Variants in KIRREL3 observed in about 807,000 individuals in gnomAD.
KIRREL3 encodes kin of IRRE-like protein 3.
In KIRREL3, 36 loss-of-function variants were observed where a neutral mutation model predicts 89.7. That is an observed-to-expected ratio of 0.40 (90% confidence interval 0.31 to 0.53). The LOEUF is 0.53. KIRREL3 is among the 20% of genes least tolerant of loss of function. The pLI, the probability that KIRREL3 is intolerant of heterozygous loss-of-function variation, is 0.49. For missense variants in KIRREL3, 864 were observed against 1,056.6 expected (o/e 0.82, Z 2.53); for synonymous variants, 445 against 441.4 (o/e 1.01, Z -0.10).
chr11:126,893,265 T>C (rs565216314), intron 1 of KIRREL3, among the ~76,000 whole-genome samples: 1 of 152,322 alleles, frequency 6.6e-6, no homozygotes, highest in Non-Finnish European at 1.5e-5. Flanking sequence ...GGAACGTCCG[T>C]CATGCATTGA....
At position 126,676,293 on chromosome 11, in the gene KIRREL3, C is replaced by T. The variant is rs1017948574; in HGVS notation, c.56-113381G>A. On this transcript the variant is annotated intron_variant, in intron 1 of 16. Transcript: ENST00000525144. This position sits in a 1 kb window ranked among gnomAD's most constrained non-coding sequence, Gnocchi z 4.5. ...AGGAGGGAAACACTCAGGGCCAGGC[C>T]GAGGCAGAGAAGCTTCTGGAGGGCA... Among the ~76,000 whole-genome samples, 2 of 152,084 alleles carry T rather than the reference C, an allele frequency of 1.3e-5. No homozygotes were observed. The highest frequency in any genetic ancestry group is 2.1e-4 in the South Asian group (1 of 4,824).
At chr11:126,437,303 C>T (rs1034581759) in intron 11 of KIRREL3, among the ~76,000 whole-genome samples, 3 of 152,192 alleles carry the variant, frequency 2.0e-5, no homozygotes, top group Non-Finnish European at 2.9e-5. Flanking sequence ...CGTCTATACA[C>T]AGCTCCCCAC....
chr11:127,002,198 C>T (rs572487781), upstream of KIRREL3, among the ~76,000 whole-genome samples: 1 of 152,270 alleles, frequency 6.6e-6, no homozygotes, highest in Admixed American at 6.5e-5. Flanking sequence ...TAGGAGCTGA[C>T]ATCTGGTAGT....
Position 126,491,169 on chromosome 11 carries a change from T to A in KIRREL3, c.434-17703A>T, listed in dbSNP as rs1422727745. 6.6e-6 allele frequency among the ~76,000 whole-genome samples: 1 copy of A among 152,182 alleles called. No individual in the cohort carries two copies. Among genetic ancestry groups the A allele is most frequent in the Non-Finnish European group, 1.5e-5 (1 of 68,036 alleles). On this transcript the variant is annotated intron_variant, in intron 4 of 16. Transcript: ENST00000525144. This position sits in a 1 kb window ranked among gnomAD's most constrained non-coding sequence, Gnocchi z 5.5. ...TCTACCTGCGTGGACTCTGGCGAGT[T>A]GCACCTCCCCGGGCGTCAGCGTCTG... is the stretch of plus-strand genomic sequence containing the variant.
chr11:126,773,949 A>G lies in KIRREL3; in HGVS notation c.56-211037T>C, dbSNP rs1418406971. On this transcript the variant is annotated intron_variant, in intron 1 of 16. Coordinates refer to ENST00000525144, the MANE Select transcript of KIRREL3 (RefSeq NM_032531.4). The surrounding 1 kb of genome is among the most constrained non-coding windows in gnomAD (Gnocchi z 4.2). ...ACTCTTAACTCTTTTTTACTATTGA[A>G]TATCTTATCAAATAGGAACAAAGCC... Among the ~76,000 whole-genome samples the G allele has an allele frequency of 6.6e-6, 1 of 152,132 alleles. No individual in the cohort carries two copies. Among genetic ancestry groups the G allele is most frequent in the East Asian group, 1.9e-4 (1 of 5,188 alleles).
At position 126,527,516 on chromosome 11, in the gene KIRREL3, A is replaced by G. The variant is rs1958799603; in HGVS notation, c.134-829T>C. On this transcript the variant is annotated intron_variant, in intron 2 of 16. Coordinates refer to ENST00000525144, the MANE Select transcript of KIRREL3 (RefSeq NM_032531.4). This position sits in a 1 kb window ranked among gnomAD's most constrained non-coding sequence, Gnocchi z 4.2. ...AATATTTTCATCGTCATAACAACCT[A>G]AAAATAGTAGGCACTATTTTTATCC... is the stretch of plus-strand genomic sequence containing the variant. Among the ~76,000 whole-genome samples, 1 of 152,172 alleles carries G rather than the reference A, an allele frequency of 6.6e-6. No homozygotes were observed. The highest frequency in any genetic ancestry group is 1.5e-5 in the Non-Finnish European group (1 of 68,042).
chr11:126,887,409 G>A (rs73032215), intron 1 of KIRREL3, among the ~76,000 whole-genome samples: 69 of 152,274 alleles, frequency 4.5e-4, no homozygotes, highest in African/African-American at 1.4e-3. Context: ...CATGGTCAGC[G>A]TGCTTTCCAA....
chr11:126,527,823 T>G lies in KIRREL3; in HGVS notation c.134-1136A>C, dbSNP rs973404613. Among the ~76,000 whole-genome samples the G allele has an allele frequency of 6.6e-5, 10 of 152,194 alleles. No homozygotes were observed. The highest frequency in any genetic ancestry group is 1.2e-4 in the Non-Finnish European group (8 of 68,042). On this transcript the variant is annotated intron_variant, in intron 2 of 16. Coordinates refer to ENST00000525144, the MANE Select transcript of KIRREL3 (RefSeq NM_032531.4). The surrounding 1 kb of genome is among the most constrained non-coding windows in gnomAD (Gnocchi z 4.2). The stretch of plus-strand genomic sequence containing the variant: ...GACCATGCTCTCCCCTACTGAGCTA[T>G]GCTGTGTGCAGATCCCCAAGCCTGG...
rs1276575224 is a variant in KIRREL3, at chr11:126,827,029, G to A, written c.55+173426C>T. Among the ~76,000 whole-genome samples the A allele has an allele frequency of 3.3e-5, 5 of 152,104 alleles. 1 individual carries two copies. In the South Asian group the frequency reaches 1.0e-3, roughly 32 times the overall value. On this transcript the variant is annotated intron_variant, in intron 1 of 16. Transcript: ENST00000525144. ...GGGCTTTCCTTGTTCTGCTTTTGGG[G>A]TGCTCCCCACCCAAGCTGCCTTTAA...
Position 126,867,864 on chromosome 11 carries a change from G to T in KIRREL3, c.55+132591C>A, listed in dbSNP as rs975681590. 6.6e-6 allele frequency among the ~76,000 whole-genome samples: 1 copy of T among 152,064 alleles called. No individual in the cohort carries two copies. The highest frequency in any genetic ancestry group is 1.5e-5 in the Non-Finnish European group (1 of 68,012). On this transcript the variant is annotated intron_variant, in intron 1 of 16. Coordinates refer to ENST00000525144, the MANE Select transcript of KIRREL3 (RefSeq NM_032531.4). This position sits in a 1 kb window ranked among gnomAD's most constrained non-coding sequence, Gnocchi z 4.7. Reference sequence around the variant, plus strand: ...GAGTTTAGTTCTGCAATAAAACTGTGGACTCCCCACGGATGCCATGCATGT... The same window carrying T: ...GAGTTTAGTTCTGCAATAAAACTGTTGACTCCCCACGGATGCCATGCATGT...
At chr11:126,538,412 G>A (rs74591004) in intron 2 of KIRREL3, among the ~76,000 whole-genome samples, 4,116 of 152,278 alleles carry the variant, frequency 0.027, 194 homozygotes, top group African/African-American at 0.091. Flanking sequence ...GAGAGAAGAA[G>A]TCAGCTCAGT....
At chr11:126,644,498 T>C (rs1399626844) in intron 1 of KIRREL3, among the ~76,000 whole-genome samples, 1 of 152,158 alleles carries the variant, frequency 6.6e-6, no homozygotes, top group Non-Finnish European at 1.5e-5. Flanking sequence ...GGGGGAAGAC[T>C]GCTGGGACCT....
rs112196348 is a variant in KIRREL3, at chr11:126,589,944, C to T, written c.56-27032G>A. 8.3e-3 allele frequency among the ~76,000 whole-genome samples: 1,269 copies of T among 152,320 alleles called. 6 individuals carry two copies. The highest frequency in any genetic ancestry group is 0.014 in the Non-Finnish European group (956 of 68,028). ...GAACGCTCCTCTTTCTACTGTGCCC[C>T]ATCCTTAGGAGCAGGGGCTCCCTCT... On this transcript the variant is annotated intron_variant, in intron 1 of 16. Transcript: ENST00000525144.
At chr11:126,554,292 C>T (rs1433995672) in intron 2 of KIRREL3, among the ~76,000 whole-genome samples, 1 of 152,094 alleles carries the variant, frequency 6.6e-6, no homozygotes, top group Admixed American at 6.6e-5. Flanking sequence ...AGTAAATGCC[C>T]TCAAGTGGAA....
At position 126,682,430 on chromosome 11, in the gene KIRREL3, TG is replaced by T. The variant is rs1946499333; in HGVS notation, c.56-119519del. Among the ~76,000 whole-genome samples, 1 of 152,168 alleles carries T rather than the reference TG, an allele frequency of 6.6e-6. No individual in the cohort carries two copies. The highest frequency in any genetic ancestry group is 1.5e-5 in the Non-Finnish European group (1 of 68,032). ...TGAAGTGAGATGAATCTGGTGATAC[TG>T]AGTAGGTGTGCAATCAATATTTGTT... On this transcript the variant is annotated intron_variant, in intron 1 of 16. Transcript: ENST00000525144. The surrounding 1 kb of genome is among the most constrained non-coding windows in gnomAD (Gnocchi z 4.8).
rs1435649713 is a variant in KIRREL3 at position 126,477,124 on chromosome 11, C to T, written c.434-3658G>A. Among the ~76,000 whole-genome samples the T allele has an allele frequency of 6.6e-6, 1 of 152,258 alleles. No individual in the cohort carries two copies. Among genetic ancestry groups the T allele is most frequent in the Non-Finnish European group, 1.5e-5 (1 of 68,044 alleles). Reference sequence around the variant, plus strand: ...AGCTGGAAGCCAGCCTAAGAGGCCACAGCGCGGCCTTAGCCGGGGGTGGCT... The same window carrying T: ...AGCTGGAAGCCAGCCTAAGAGGCCATAGCGCGGCCTTAGCCGGGGGTGGCT... On this transcript the variant is annotated intron_variant, in intron 4 of 16. Transcript: ENST00000525144. This position sits in a 1 kb window ranked among gnomAD's most constrained non-coding sequence, Gnocchi z 4.8.
chr11:126,549,199 G>A (rs1410290305), intron 2 of KIRREL3: 1 of 152,134 alleles, frequency 6.6e-6, no homozygotes, highest in Non-Finnish European at 1.5e-5. Flanking sequence ...AGGCCATTAT[G>A]TGTATTTCAA....
intron 1 of KIRREL3, among the ~76,000 whole-genome samples, chr11:126,770,724 A>C (rs1949994315): frequency 6.6e-6 from 1 of 152,122 alleles, no homozygotes; most frequent in Non-Finnish European, 1.5e-5. Flanking sequence ...ACTCACTTTG[A>C]CTTCTTCCTG....
rs1957026923 is a variant in KIRREL3 at position 126,475,058 on chromosome 11, C to T, written c.434-1592G>A. Among the ~76,000 whole-genome samples the T allele has an allele frequency of 1.3e-5, 2 of 152,186 alleles. No homozygotes were observed. Among genetic ancestry groups the T allele is most frequent in the Admixed American group, 1.3e-4 (2 of 15,282 alleles). On this transcript the variant is annotated intron_variant, in intron 4 of 16. Transcript: ENST00000525144. This position sits in a 1 kb window ranked among gnomAD's most constrained non-coding sequence, Gnocchi z 7.5. ...CTGAGAGAGGCCCAGGGCCTCTGGA[C>T]ACATCAAGACGTGAGCTGTCTGTGT...
Sources: allele counts gnomAD v4.1 joint callset (sites outside exome capture counted in the v4.1 genomes callset), GRCh38; gene constraint gnomAD v4.1.1; non-coding constraint Gnocchi (gnomAD v3.1); transcripts MANE v1.5; gene names NCBI Gene and HGNC (gene_info 2026-07-23, HGNC 2026-07-21).